The following LRRC4C variants were observed in gnomAD, a reference collection of about 807,000 sequenced individuals.
LRRC4C encodes the protein leucine rich repeat containing 4C, also known as leucine-rich repeat-containing protein 4C.
A neutral mutation model predicts 33.6 loss-of-function variants in LRRC4C; 5 were observed. The observed-to-expected ratio is 0.15, with a 90% CI of 0.08 to 0.31. The LOEUF is 0.31. Ranked by LOEUF, LRRC4C falls within the 10% of genes least tolerant of loss-of-function variation. The pLI, the probability that LRRC4C is intolerant of heterozygous loss-of-function variation, is 1.00. For synonymous variants in LRRC4C, 329 were observed against 302.0 expected, an observed-to-expected ratio of 1.09 and a Z score of -0.93; for missense variants, 560 against 796.7, an observed-to-expected ratio of 0.70 and a Z score of 3.58.
chr11:41,042,249 C>A (rs929301884), intron 1 of LRRC4C, among the ~76,000 whole-genome samples: 1 of 152,050 alleles, frequency 6.6e-6, no homozygotes, highest in Non-Finnish European at 1.5e-5. Flanking sequence ...TTCTTGTAAT[C>A]CAATATAAAG....
At chr11:40,246,377 T>G (rs1034475926) in intron 4 of LRRC4C, among the ~76,000 whole-genome samples, 1 of 152,206 alleles carries the variant, frequency 6.6e-6, no homozygotes, top group African/African-American at 2.4e-5. Context: ...CGTTATTTTG[T>G]TTTTGGTTCA....
At chr11:40,386,529 T>G (rs1949118015) in intron 3 of LRRC4C, among the ~76,000 whole-genome samples, 1 of 152,164 alleles carries the variant, frequency 6.6e-6, no homozygotes, top group African/African-American at 2.4e-5. Flanking sequence ...TTACATTAGG[T>G]CTTTCTTCCA....
chr11:40,981,622 C>T (rs1034608718), intron 1 of LRRC4C, among the ~76,000 whole-genome samples: 1 of 152,110 alleles, frequency 6.6e-6, no homozygotes, highest in Admixed American at 6.5e-5. Flanking sequence ...TGCACACATA[C>T]ATACAGAGGG....
intron 5 of LRRC4C, among the ~76,000 whole-genome samples, chr11:40,163,809 G>T (rs563890472): frequency 6.6e-6 from 1 of 151,872 alleles, no homozygotes; most frequent in South Asian, 2.1e-4. Context: ...TTTATAACTT[G>T]CTTTTGCAAA....
intron 1 of LRRC4C, among the ~76,000 whole-genome samples, chr11:41,434,482 C>T (rs879377832): frequency 1.8e-4 from 28 of 152,062 alleles, no homozygotes; most frequent in Non-Finnish European, 3.2e-4. Context: ...TTTGTATCTG[C>T]GAAATAATCT....
intron 1 of LRRC4C, among the ~76,000 whole-genome samples, chr11:41,096,892 C>A (rs1175045621): frequency 6.6e-6 from 1 of 152,146 alleles, no homozygotes; most frequent in African/African-American, 2.4e-5. Flanking sequence ...TAAAGGTCAC[C>A]TTGGCTGCAG....
chr11:40,935,475 A>G (rs1038838116), intron 1 of LRRC4C, among the ~76,000 whole-genome samples: 2 of 152,120 alleles, frequency 1.3e-5, no homozygotes, highest in Non-Finnish European at 1.5e-5. Flanking sequence ...TTATAATGTC[A>G]TATTTTCACT....
At chr11:41,453,779 CATT>C (rs1236532133) in intron 1 of LRRC4C, among the ~76,000 whole-genome samples, 6 of 152,028 alleles carry the variant, frequency 3.9e-5, no homozygotes, top group East Asian at 1.9e-4. Context: ...TTGATTATAA[CATT>C]ATATTTTCTT....
At chr11:40,488,886 C>T (rs747972723) in intron 3 of LRRC4C, among the ~76,000 whole-genome samples, 38 of 152,034 alleles carry the variant, frequency 2.5e-4, no homozygotes, top group Non-Finnish European at 4.3e-4. Context: ...AGTGAATGAT[C>T]TTATGCCTGC....
intron 4 of LRRC4C, among the ~76,000 whole-genome samples, chr11:40,307,390 G>A (rs1192977189): frequency 6.6e-6 from 1 of 152,108 alleles, no homozygotes; most frequent in African/African-American, 2.4e-5. Flanking sequence ...GTCCTGAATT[G>A]TCCTGCTCCC....
chr11:40,757,190 G>A (rs1948996158), intron 2 of LRRC4C, among the ~76,000 whole-genome samples: 1 of 151,918 alleles, frequency 6.6e-6, no homozygotes, highest in Non-Finnish European at 1.5e-5. Flanking sequence ...ATTTTACAGT[G>A]AATGGAATGG....
chr11:40,412,533 C>T (rs1309069810), intron 3 of LRRC4C, among the ~76,000 whole-genome samples: 1 of 152,170 alleles, frequency 6.6e-6, no homozygotes, highest in East Asian at 1.9e-4. Context: ...AATGCATCTC[C>T]TCTTTTTCAT....
chr11:41,346,944 A>G (rs1951823027), intron 1 of LRRC4C, among the ~76,000 whole-genome samples: 1 of 152,248 alleles, frequency 6.6e-6, no homozygotes, highest in South Asian at 2.1e-4. Flanking sequence ...ATGCCAGGCA[A>G]TATGTCATGG....
intron 3 of LRRC4C, among the ~76,000 whole-genome samples, chr11:40,538,724 C>T (rs1325662449): frequency 1.3e-5 from 2 of 152,198 alleles, no homozygotes; most frequent in Non-Finnish European, 2.9e-5. Flanking sequence ...GCCACACTGT[C>T]TTCCACAGTG....
chr11:41,171,253 G>C (rs189480209), intron 1 of LRRC4C, among the ~76,000 whole-genome samples: 8 of 152,044 alleles, frequency 5.3e-5, no homozygotes, highest in Non-Finnish European at 1.0e-4. Context: ...CCCATTACTG[G>C]GTATATACCC....
intron 1 of LRRC4C, among the ~76,000 whole-genome samples, chr11:41,062,406 C>A (rs749903243): frequency 3.3e-5 from 5 of 152,182 alleles, no homozygotes; most frequent in Non-Finnish European, 7.3e-5. Flanking sequence ...TATGAGTAAT[C>A]ACTCCACCTG....
chr11:41,326,898 A>G (rs1179668242), intron 1 of LRRC4C, among the ~76,000 whole-genome samples: 1 of 152,260 alleles, frequency 6.6e-6, no homozygotes, highest in East Asian at 1.9e-4. Flanking sequence ...CTGGTAGGCA[A>G]TATAGAAATC....
intron 1 of LRRC4C, among the ~76,000 whole-genome samples, chr11:41,174,574 T>A (rs925649494): frequency 1.3e-5 from 2 of 152,108 alleles, no homozygotes; most frequent in African/African-American, 4.8e-5. Context: ...TTCTGCTCTG[T>A]TTTCCAGGAT....
intron 2 of LRRC4C, among the ~76,000 whole-genome samples, chr11:40,684,808 G>T (rs1944876486): frequency 6.6e-6 from 1 of 151,886 alleles, no homozygotes; most frequent in East Asian, 1.9e-4. Context: ...CAGGACTAGA[G>T]TACAATGAAA....
Sources: allele counts gnomAD v4.1 joint callset (sites outside exome capture counted in the v4.1 genomes callset), GRCh38; gene constraint gnomAD v4.1.1; transcripts MANE v1.5; gene names NCBI Gene and HGNC (gene_info 2026-07-23, HGNC 2026-07-21).